Variants in SETD4 observed in about 807,000 individuals in gnomAD.
The protein encoded by SETD4 is SET domain containing 4.
In SETD4, 46 loss-of-function variants were observed where a neutral mutation model predicts 58.3. The ratio of observed to expected loss-of-function variants is 0.79; its 90% CI spans 0.62 to 1.01. The LOEUF (loss-of-function observed/expected upper bound fraction) is 1.01, where lower values mean the gene tolerates loss of function less well. Ranked by LOEUF, SETD4 falls within the 50% of genes least tolerant of loss-of-function variation. The pLI is 0.00. For missense variants in SETD4, 490 were observed against 523.3 expected (o/e 0.94, Z 0.62); for synonymous variants, 190 against 202.6 (o/e 0.94, Z 0.53).
chr21:36,053,415 T>C (rs935991471), intron 4 of SETD4, 168 bp downstream of exon 4: 4 of 703,598 alleles, frequency 5.7e-6, no homozygotes, highest in Non-Finnish European at 9.6e-6. Context: ...GCTTGTCTTT[T>C]ATTGCAACAA....
At chr21:36,049,729 T>A (rs969304417) in intron 4 of SETD4, among the ~76,000 whole-genome samples, 1 of 152,248 alleles carries the variant, frequency 6.6e-6, no homozygotes, top group Admixed American at 6.5e-5. Flanking sequence ...AAATGCAAAC[T>A]GTACACTTCA....
intron 9 of SETD4, among the ~76,000 whole-genome samples, chr21:36,040,215 T>G (rs1399405282): frequency 1.3e-5 from 2 of 152,228 alleles, no homozygotes; most frequent in African/African-American, 4.8e-5. Context: ...CGTTAGGGAC[T>G]CTAGCTCTAC....
intron 4 of SETD4, chr21:36,050,284 A>T: frequency 6.3e-7 from 1 of 1,595,890 alleles, no homozygotes. Context: ...GACTATCCTC[A>T]AACAGAGATT....
At chr21:36,041,777 T>A in intron 8 of SETD4, 30 bp downstream of exon 8, 1 of 1,418,250 alleles carries the variant, frequency 7.1e-7, no homozygotes, top group Non-Finnish European at 9.6e-7. Flanking sequence ...CCTAAAGGAA[T>A]AATTTTAAGA....
intron 2 of SETD4, among the ~76,000 whole-genome samples, chr21:36,058,607 A>C (rs1246421491): frequency 6.6e-6 from 1 of 152,054 alleles, no homozygotes; most frequent in East Asian, 1.9e-4. Flanking sequence ...AGTCCCAGCT[A>C]CTTGGGAGGC....
intron 6 of SETD4, 120 bp from the exon 7 acceptor site, chr21:36,044,076 G>GT: frequency 8.3e-7 from 1 of 1,203,640 alleles, no homozygotes; most frequent in Non-Finnish European, 1.1e-6. Context: ...ATCAATAAAT[G>GT]TAACTACGCA....
chr21:36,052,384 T>TAAA (rs143468751), intron 4 of SETD4, among the ~76,000 whole-genome samples: 1 of 122,728 alleles, frequency 8.1e-6, no homozygotes, highest in African/African-American at 3.1e-5. Flanking sequence ...CTGTCTCTAC[T>TAAA]AAAAAAAAAA....
chr21:36,050,320 G>C (rs968314491), intron 4 of SETD4: 72 of 1,612,552 alleles, frequency 4.5e-5, no homozygotes, highest in Non-Finnish European at 5.6e-5. Flanking sequence ...GCCAAATGTT[G>C]TGAGGAGGAA....
At chr21:36,044,542 A>G (rs1411934654) in intron 6 of SETD4, among the ~76,000 whole-genome samples, 2 of 152,198 alleles carry the variant, frequency 1.3e-5, no homozygotes, top group African/African-American at 2.4e-5. Flanking sequence ...CTAGCATCCT[A>G]TCACACTACA....
At chr21:36,051,513 G>T in intron 4 of SETD4, 2 of 1,277,618 alleles carry the variant, frequency 1.6e-6, no homozygotes, top group South Asian at 4.4e-5. Flanking sequence ...ATTAGTTGGA[G>T]AGAGTGGGAG....
Position 36,053,589 on chromosome 21 carries a change from G to A in SETD4, c.201C>T (p.Ser67=), listed in dbSNP as rs2123736658. Residue 67 remains serine, a synonymous_variant, in exon 4 of 12, where the codon TCC becomes TCT. Transcript: ENST00000332131. ...GTGRGLMSQT[S]LQEGQMIISL... ...ATCAAAGAACAGTTCTCACCTGCAG[G>A]GATGTTTGACTCATCAGCCCTCTTC... is the stretch of plus-strand genomic sequence containing the variant. 6.2e-7 allele frequency: 1 copy of A among 1,614,054 alleles called. No individual in the cohort carries two copies. The highest frequency in any genetic ancestry group is 8.5e-7 in the Non-Finnish European group (1 of 1,179,990).
At chr21:36,036,895 G>A (rs935394751) in intron 10 of SETD4, among the ~76,000 whole-genome samples, 2 of 152,206 alleles carry the variant, frequency 1.3e-5, no homozygotes, top group Non-Finnish European at 2.9e-5. Context: ...TGAACCTGGA[G>A]GACATGCTGT....
rs1360025666 is a variant in SETD4, at chr21:36,048,067, G to GGGAGGGAA, written c.296+233_296+240dup. The stretch of plus-strand genomic sequence containing the variant: ...AGGAAGGAAGGAAGAGAGGGAGGGA[G>GGGAGGGAA]GGAGGGAAGGAGGGAAGGAGGGAGG... On this transcript the variant is annotated intron_variant, in intron 5 of 11. Transcript: ENST00000332131. Among the ~76,000 whole-genome samples, 259 of 144,844 alleles carry GGGAGGGAA rather than the reference G, an allele frequency of 1.8e-3. 3 individuals carry two copies. The highest frequency in any genetic ancestry group is 6.4e-3 in the African/African-American group (246 of 38,722).
At chr21:36,056,547 A>G (rs1374279633) in intron 3 of SETD4, among the ~76,000 whole-genome samples, 1 of 152,110 alleles carries the variant, frequency 6.6e-6, no homozygotes, top group Admixed American at 6.5e-5. Context: ...GTTCCAGAAG[A>G]AAGTGGTTTT....
chr21:36,050,650 T>C (rs781194852), intron 4 of SETD4: 3 of 1,605,772 alleles, frequency 1.9e-6, no homozygotes, highest in South Asian at 1.1e-5. Flanking sequence ...GCTAAAATGA[T>C]TGATGAAGCT....
At chr21:36,036,421 CAA>C in intron 10 of SETD4, 170 bp from the exon 11 acceptor site, 1 of 335,340 alleles carries the variant, frequency 3.0e-6, no homozygotes, top group Non-Finnish European at 4.2e-6. Context: ...TTCTATCACC[CAA>C]ACAGAAACTC....
chr21:36,042,558 G>C (rs953679267), intron 7 of SETD4: 15 of 152,106 alleles, frequency 9.9e-5, no homozygotes, highest in African/African-American at 2.9e-4. Context: ...TTTTTATTTT[G>C]AGAAATCACA....
intron 9 of SETD4, among the ~76,000 whole-genome samples, chr21:36,039,764 T>C (rs963659808): frequency 6.6e-6 from 1 of 152,238 alleles, no homozygotes; most frequent in Non-Finnish European, 1.5e-5. Context: ...CTATGTCTAG[T>C]GTTGAGACCA....
intron 4 of SETD4, 124 bp downstream of exon 4, chr21:36,053,459 A>G (rs905577122): frequency 2.2e-5 from 21 of 934,790 alleles, no homozygotes; most frequent in Non-Finnish European, 3.3e-5. Context: ...ATATTCAAAT[A>G]TATCTATTAG....
Sources: allele counts gnomAD v4.1 joint callset (sites outside exome capture counted in the v4.1 genomes callset), GRCh38; gene constraint gnomAD v4.1.1; transcripts MANE v1.5; gene names NCBI Gene and HGNC (gene_info 2026-07-23, HGNC 2026-07-21).